MCTP2: variants seen among roughly 807,000 people sequenced by gnomAD.
The protein encoded by MCTP2 is multiple C2 and transmembrane domain-containing protein 2.
Under a neutral mutation model 111.6 loss-of-function variants are expected in MCTP2, and 132 were observed. That is an observed-to-expected ratio of 1.18 (90% CI 1.03 to 1.37). The LOEUF is 1.37. Among genes scored for constraint, MCTP2 ranks in the 40% most tolerant of loss-of-function variants. The pLI is 0.00. For missense variants in MCTP2, 1,183 were observed against 1,067.9 expected, an observed-to-expected ratio of 1.11 and a Z score of -1.50; for synonymous variants, 395 against 387.7, an observed-to-expected ratio of 1.02 and a Z score of -0.22.
chr15:94,437,155 C>CAAAAAAAAAAAAA (rs11352999), intron 17 of MCTP2, among the ~76,000 whole-genome samples: 1 of 69,558 alleles, frequency 1.4e-5, no homozygotes, highest in African/African-American at 5.4e-5. Context: ...CTTACACATC[C>CAAAAAAAAAAAAA]AAAAAAAAAA....
At chr15:94,456,797 G>C (rs564769735) in intron 19 of MCTP2, among the ~76,000 whole-genome samples, 14 of 152,196 alleles carry the variant, frequency 9.2e-5, no homozygotes, top group Middle Eastern at 3.4e-3. Flanking sequence ...ACTGGAGAAG[G>C]GCTGGCAATG....
intron 2 of MCTP2, among the ~76,000 whole-genome samples, chr15:94,310,483 T>G (rs1380895680): frequency 6.6e-6 from 1 of 152,094 alleles, no homozygotes; most frequent in Non-Finnish European, 1.5e-5. Context: ...GTTAATTTTT[T>G]TAAGTAAATT....
chr15:94,351,656 A>G (rs1257101359), intron 8 of MCTP2, among the ~76,000 whole-genome samples: 2 of 152,154 alleles, frequency 1.3e-5, no homozygotes, highest in Non-Finnish European at 2.9e-5. Context: ...GTACCAGTAC[A>G]TTATTTGGCA....
At chr15:94,390,064 A>ATATATATATATATATG (rs2080798975) in intron 14 of MCTP2, among the ~76,000 whole-genome samples, 2 of 17,366 alleles carry the variant, frequency 1.2e-4, no homozygotes, top group Non-Finnish European at 2.4e-4. Context: ...ATATATATAT[A>ATATATATATATATATG]TATATATATA....
chr15:94,237,166 A>G (rs1425774936), intron 1 of MCTP2, among the ~76,000 whole-genome samples: 1 of 152,192 alleles, frequency 6.6e-6, no homozygotes, highest in Non-Finnish European at 1.5e-5. Flanking sequence ...TCCAGGAAAG[A>G]GGTTGGCAAT....
intron 1 of MCTP2, among the ~76,000 whole-genome samples, chr15:94,277,945 A>G (rs2074297267): frequency 6.6e-6 from 1 of 150,928 alleles, no homozygotes. Flanking sequence ...GGACAGAGGT[A>G]GTATATAGCA....
intron 7 of MCTP2, chr15:94,343,639 A>T (rs561238043): frequency 6.6e-6 from 1 of 152,212 alleles, no homozygotes; most frequent in Non-Finnish European, 1.5e-5. Flanking sequence ...AAAACAGGAA[A>T]AAAATAGTAG....
chr15:94,379,055 A>AGTTTTTT (rs1256638453), intron 12 of MCTP2, among the ~76,000 whole-genome samples: 1 of 149,838 alleles, frequency 6.7e-6, no homozygotes, highest in Non-Finnish European at 1.5e-5. Context: ...CTGAGAAGTT[A>AGTTTTTT]GTTTTTTGTT....
At chr15:94,434,696 T>C (rs971759180) in intron 17 of MCTP2, among the ~76,000 whole-genome samples, 2 of 152,176 alleles carry the variant, frequency 1.3e-5, no homozygotes, top group Non-Finnish European at 2.9e-5. Context: ...ATTTCTGGAC[T>C]CTATCTTCTA....
chr15:94,444,752 A>T lies in MCTP2; in HGVS notation c.2250+1792A>T, dbSNP rs1487468776. Among the ~76,000 whole-genome samples, 3 of 152,352 alleles carry T rather than the reference A, an allele frequency of 2.0e-5. No homozygotes were observed. In the South Asian group the frequency reaches 6.2e-4, roughly 32 times the overall value. ...GACAAAGAACAAGCATACATTTCTT[A>T]TTATATCATAACATCACATTAGGCA... On this transcript the variant is annotated intron_variant, in intron 19 of 22. Transcript: ENST00000357742.
At chr15:94,284,161 G>C (rs1007690572) in intron 1 of MCTP2, among the ~76,000 whole-genome samples, 6 of 152,148 alleles carry the variant, frequency 3.9e-5, no homozygotes, top group African/African-American at 1.4e-4. Flanking sequence ...GTTTCTCAAT[G>C]GGACCTTATT....
At position 94,358,538 on chromosome 15, in the gene MCTP2, C is replaced by T. The variant is rs1416477542; in HGVS notation, c.1227C>T (p.Phe409=). ...AGGAACAGTTTGACTTTCACTACTT[C>T]TCTGACAGGATGGGCATTTTGGACA... The part of the protein sequence containing the change: ...QWQEQFDFHY[F]SDRMGILDIE... The change falls in exon 10 of 23, where the codon TTC becomes TTT. Residue 409 remains phenylalanine, a synonymous_variant. Coordinates refer to ENST00000357742, the MANE Select transcript of MCTP2 (RefSeq NM_001385001.1). 6.2e-7 allele frequency: 1 copy of T among 1,613,728 alleles called. No homozygotes were observed. The highest frequency in any genetic ancestry group is 1.3e-5 in the African/African-American group (1 of 74,900).
chr15:94,404,550 C>T (rs918169068), intron 17 of MCTP2, among the ~76,000 whole-genome samples: 2 of 152,142 alleles, frequency 1.3e-5, no homozygotes, highest in African/African-American at 4.8e-5. Context: ...CCACCCATCT[C>T]GGCCTCCCAA....
chr15:94,333,979 G>A (rs987437738), intron 4 of MCTP2, among the ~76,000 whole-genome samples: 1 of 152,188 alleles, frequency 6.6e-6, no homozygotes, highest in Non-Finnish European at 1.5e-5. Flanking sequence ...CACACCTTTA[G>A]AGGTGGCAAT....
chr15:94,368,024 C>T (rs1454114049), intron 11 of MCTP2, among the ~76,000 whole-genome samples: 2 of 152,176 alleles, frequency 1.3e-5, no homozygotes, highest in African/African-American at 4.8e-5. Flanking sequence ...AAAAGAGATT[C>T]TGAATTTTTA....
intron 17 of MCTP2, among the ~76,000 whole-genome samples, chr15:94,411,409 C>T (rs1007844980): frequency 6.6e-6 from 1 of 151,608 alleles, no homozygotes; most frequent in African/African-American, 2.4e-5. Context: ...TCGCCATTGT[C>T]TGGCTGTGCT....
At chr15:94,444,760 A>G (rs1413141879) in intron 19 of MCTP2, among the ~76,000 whole-genome samples, 1 of 152,236 alleles carries the variant, frequency 6.6e-6, no homozygotes, top group Admixed American at 6.5e-5. Flanking sequence ...TTATTATATC[A>G]TAACATCACA....
Position 94,350,078 on chromosome 15 carries a change from C to T in MCTP2, c.1005+4914C>T, listed in dbSNP as rs139400129. 3.5e-4 allele frequency among the ~76,000 whole-genome samples: 54 copies of T among 152,280 alleles called. 1 individual carries two copies. The highest frequency in any genetic ancestry group is 1.3e-3 in the African/African-American group (53 of 41,550). ...GAAATGAGGTGCAGCCATCTTTGAA[C>T]AAGTCCTCCAGGTGACTGTCAAGCA... On this transcript the variant is annotated intron_variant, in intron 8 of 22. Transcript: ENST00000357742.
chr15:94,352,844 C>T (rs1382722885), intron 8 of MCTP2, among the ~76,000 whole-genome samples: 3 of 152,150 alleles, frequency 2.0e-5, no homozygotes, highest in African/African-American at 7.2e-5. Context: ...ATGGCCCAGG[C>T]CCTACCCTGA....
Sources: allele counts gnomAD v4.1 joint callset (sites outside exome capture counted in the v4.1 genomes callset), GRCh38; gene constraint gnomAD v4.1.1; transcripts MANE v1.5; gene names NCBI Gene and HGNC (gene_info 2026-07-23, HGNC 2026-07-21).